MPP7: variants seen among roughly 807,000 people sequenced by gnomAD.
MPP7 encodes MAGUK p55 subfamily member 7.
MPP7 carries 60 observed loss-of-function variants against 76.5 expected under a neutral mutation model. That is an observed-to-expected ratio of 0.78 (90% CI 0.64 to 0.97). MPP7 has a LOEUF of 0.97. MPP7 is among the 50% of genes least tolerant of loss of function. The pLI, the probability that MPP7 is intolerant of heterozygous loss-of-function variation, is 0.00. For synonymous variants in MPP7, 237 were observed against 244.5 expected (o/e 0.97, Z 0.29); for missense variants, 641 against 694.0 (o/e 0.92, Z 0.86).
At chr10:28,173,550 A>G (rs947667190) in intron 3 of MPP7, among the ~76,000 whole-genome samples, 14 of 152,194 alleles carry the variant, frequency 9.2e-5, no homozygotes, top group Admixed American at 9.2e-4. Context: ...AAGCGTCCTG[A>G]GACCCTCATC....
At chr10:28,215,136 A>G (rs2134036210) in intron 2 of MPP7, among the ~76,000 whole-genome samples, 1 of 151,714 alleles carries the variant, frequency 6.6e-6, no homozygotes, top group Admixed American at 6.6e-5. Flanking sequence ...CCAAGCCCCT[A>G]CCCAAATTTC....
intron 2 of MPP7, among the ~76,000 whole-genome samples, chr10:28,312,192 T>C (rs909226767): frequency 6.6e-6 from 1 of 152,294 alleles, no homozygotes; most frequent in Middle Eastern, 3.4e-3. Flanking sequence ...CTTTATTCCC[T>C]TTTTTGTCCC....
At chr10:28,314,511 A>C (rs1471786225) in intron 2 of MPP7, among the ~76,000 whole-genome samples, 1 of 152,220 alleles carries the variant, frequency 6.6e-6, no homozygotes, top group Non-Finnish European at 1.5e-5. Context: ...GCTTCCGCGT[A>C]TGTTCACTAA....
At chr10:28,269,985 T>C (rs1185586740) in intron 1 of MPP7, among the ~76,000 whole-genome samples, 1 of 152,198 alleles carries the variant, frequency 6.6e-6, no homozygotes, top group Non-Finnish European at 1.5e-5. Context: ...GTTTTACTGG[T>C]TCTCTTAAAA....
At position 28,058,594 on chromosome 10, in the gene MPP7, T is replaced by G. The variant is rs778426816; in HGVS notation, c.1308A>C (p.Glu436Asp). Reference protein sequence around the residue: ...ETDVQNNKFIEYGEYKNNYYG... With the variant: ...ETDVQNNKFIDYGEYKNNYYG... Reference sequence around the variant, plus strand: ...AGTAGTTGTTTTTATATTCTCCATATTCAATAAACCTGTAAAAAATTAAAT... The same window carrying G: ...AGTAGTTGTTTTTATATTCTCCATAGTCAATAAACCTGTAAAAAATTAAAT... The change falls in exon 15 of 17, where the codon GAA (glutamate) becomes GAC (aspartate). Residue 436 changes from glutamate (E) to aspartate (D), a missense_variant. By Grantham distance (45) the Glu-to-Asp change is conservative (BLOSUM62 2). Coordinates refer to ENST00000683449, the MANE Select transcript of MPP7 (RefSeq NM_001318170.2). 51 of 1,575,986 alleles carry G rather than the reference T, an allele frequency of 3.2e-5. No homozygotes were observed. The highest frequency in any genetic ancestry group is 5.7e-5 in the South Asian group (5 of 87,690).
At chr10:28,200,598 A>G (rs926411020) in intron 3 of MPP7, among the ~76,000 whole-genome samples, 31 of 152,210 alleles carry the variant, frequency 2.0e-4, no homozygotes, top group African/African-American at 7.2e-4. Flanking sequence ...AATAGAAATA[A>G]CAACCATCTC....
chr10:28,297,660 T>C (rs1210844519), intron 1 of MPP7, among the ~76,000 whole-genome samples: 3 of 152,098 alleles, frequency 2.0e-5, no homozygotes, highest in Non-Finnish European at 2.9e-5. Flanking sequence ...GATCGTGCCA[T>C]TGCACTCCAG....
chr10:28,116,806 T>A (rs1834676333), intron 11 of MPP7, among the ~76,000 whole-genome samples: 1 of 152,140 alleles, frequency 6.6e-6, no homozygotes, highest in Non-Finnish European at 1.5e-5. Flanking sequence ...TCTTCTGGGT[T>A]TGTATTAGAT....
At chr10:28,105,276 T>C (rs1220833267) in intron 11 of MPP7, among the ~76,000 whole-genome samples, 1 of 146,688 alleles carries the variant, frequency 6.8e-6, no homozygotes, top group African/African-American at 2.5e-5. Flanking sequence ...TGAAGAAACA[T>C]ATTGTCTCAT....
At chr10:28,275,774 G>A (rs1037139016) in intron 1 of MPP7, among the ~76,000 whole-genome samples, 1 of 151,742 alleles carries the variant, frequency 6.6e-6, no homozygotes, top group Non-Finnish European at 1.5e-5. Flanking sequence ...GCCAGTCCAA[G>A]CCACTATTCT....
At chr10:28,271,305 G>A (rs1564747914) in intron 1 of MPP7, among the ~76,000 whole-genome samples, 2 of 152,054 alleles carry the variant, frequency 1.3e-5, no homozygotes, top group Non-Finnish European at 2.9e-5. Flanking sequence ...TTAAGTGCTG[G>A]GACAACAGGA....
intron 2 of MPP7, among the ~76,000 whole-genome samples, chr10:28,232,783 G>A (rs1357557806): frequency 6.6e-6 from 1 of 152,144 alleles, no homozygotes; most frequent in African/African-American, 2.4e-5. Context: ...GGAAGATTGT[G>A]ACTGAGAAGA....
chr10:28,295,739 C>A (rs1465348898), intron 1 of MPP7, among the ~76,000 whole-genome samples: 1 of 152,256 alleles, frequency 6.6e-6, no homozygotes, highest in East Asian at 1.9e-4. Context: ...CCTGTCCCTG[C>A]ACACACCTGC....
intron 1 of MPP7, among the ~76,000 whole-genome samples, chr10:28,262,974 T>C (rs1170685827): frequency 1.3e-5 from 2 of 152,148 alleles, no homozygotes; most frequent in Admixed American, 1.3e-4. Context: ...GAGAATCGCT[T>C]GAACCCAGGA....
intron 1 of MPP7, among the ~76,000 whole-genome samples, chr10:28,256,201 T>C (rs891260352): frequency 2.6e-5 from 4 of 151,896 alleles, no homozygotes; most frequent in African/African-American, 9.7e-5. Context: ...AGAGAAAAGT[T>C]ACCAAGGTCA....
Position 28,274,390 on chromosome 10 carries a change from C to T in MPP7, c.-132+28471G>A, listed in dbSNP as rs527320914. ...CTGGGATTACAGGCATAAGCCACCG[C>T]GCCCGGCCAAAATTTTTTTAAAATA... On this transcript the variant is annotated intron_variant, in intron 1 of 16. Transcript: ENST00000683449. Among the ~76,000 whole-genome samples, 7 of 152,026 alleles carry T rather than the reference C, an allele frequency of 4.6e-5. No homozygotes were observed. The South Asian group carries it at 6.2e-4, about 14-fold the overall frequency.
intron 2 of MPP7, among the ~76,000 whole-genome samples, chr10:28,230,659 T>C (rs1350589488): frequency 6.6e-6 from 1 of 151,678 alleles, no homozygotes; most frequent in Admixed American, 6.6e-5. Flanking sequence ...ACAAAAAAAA[T>C]ACAAAAAATT....
intron 6 of MPP7, among the ~76,000 whole-genome samples, chr10:28,128,156 C>T (rs1340368325): frequency 2.0e-5 from 3 of 152,086 alleles, no homozygotes; most frequent in African/African-American, 7.2e-5. Context: ...AGGAGGGGCA[C>T]AACCTAGGAG....
intron 2 of MPP7, among the ~76,000 whole-genome samples, chr10:28,312,064 T>C (rs1235713598): frequency 6.6e-6 from 1 of 152,180 alleles, no homozygotes; most frequent in African/African-American, 2.4e-5. Context: ...CTCTTAAAGA[T>C]GGCACGGACA....
Sources: allele counts gnomAD v4.1 joint callset (sites outside exome capture counted in the v4.1 genomes callset), GRCh38; gene constraint gnomAD v4.1.1; transcripts MANE v1.5; gene names NCBI Gene and HGNC (gene_info 2026-07-23, HGNC 2026-07-21).